ATG7: variants seen among roughly 807,000 people sequenced by gnomAD.
ATG7 encodes the protein ubiquitin-like modifier-activating enzyme ATG7.
A neutral mutation model predicts 82.4 loss-of-function variants in ATG7; 70 were observed. That is an observed-to-expected ratio of 0.85 (90% CI 0.70 to 1.04). ATG7 has a LOEUF of 1.04. Among genes scored for constraint, ATG7 ranks in the 50% least tolerant of loss-of-function variants. The pLI is 0.00. For missense variants in ATG7, 792 were observed against 864.3 expected (o/e 0.92, Z 1.05); for synonymous variants, 287 against 313.0 (o/e 0.92, Z 0.88).
intron 20 of ATG7, among the ~76,000 whole-genome samples, chr3:11,431,396 A>G (rs150041185): frequency 3.7e-4 from 57 of 152,264 alleles, no homozygotes; most frequent in African/African-American, 1.3e-3. Context: ...GGGGAAAAAA[A>G]CAACCACACA....
At chr3:11,337,585 AT>A (rs1046155097) in intron 11 of ATG7, among the ~76,000 whole-genome samples, 2 of 151,584 alleles carry the variant, frequency 1.3e-5, no homozygotes. Context: ...CATATGTGTT[AT>A]TTTTTTCATT....
chr3:11,536,993 T>C (rs1235461267), intron 20 of ATG7, among the ~76,000 whole-genome samples: 8 of 152,166 alleles, frequency 5.3e-5, no homozygotes, highest in African/African-American at 1.9e-4. Flanking sequence ...TCTTGTCGCT[T>C]CCTGCCCGAG....
At chr3:11,363,404 G>A (rs1053938123) in intron 17 of ATG7, among the ~76,000 whole-genome samples, 1 of 151,990 alleles carries the variant, frequency 6.6e-6, no homozygotes, top group Admixed American at 6.6e-5. Context: ...CACCATGCCC[G>A]GCTGATTTTT....
At position 11,383,026 on chromosome 3, in the gene ATG7, A is replaced by G. The variant is rs557048255; in HGVS notation, c.1956+2974A>G. On this transcript the variant is annotated intron_variant, in intron 19 of 20. Transcript: ENST00000693202. ...ACTGAATGCTTCAATGTGAATTCCA[A>G]AGAACAAAGACATTCTCTTACCTAA... Among the ~76,000 whole-genome samples, 3 of 152,358 alleles carry G rather than the reference A, an allele frequency of 2.0e-5. No homozygotes were observed. The South Asian group carries it at 6.2e-4, about 32-fold the overall frequency.
At chr3:11,515,675 C>T (rs975380082) in intron 20 of ATG7, among the ~76,000 whole-genome samples, 1 of 152,028 alleles carries the variant, frequency 6.6e-6, no homozygotes, top group Non-Finnish European at 1.5e-5. Flanking sequence ...CATTAAGCCT[C>T]ATAGAACTGT....
In ATG7 at chr3:11,382,913, GTCC is replaced by G. The variant is rs1476841401; in HGVS notation, c.1956+2865_1956+2867del. On this transcript the variant is annotated intron_variant, in intron 19 of 20. Coordinates refer to ENST00000693202, the MANE Select transcript of ATG7 (RefSeq NM_001349232.2). Reference sequence around the variant, plus strand: ...TTTTGCCCCACGTATATTTGCTGTCGTCCTCCAATCCCTCCTTCTTCCCTTCCC... The same window carrying G: ...TTTTGCCCCACGTATATTTGCTGTCGTCCAATCCCTCCTTCTTCCCTTCCC... 2.6e-5 allele frequency among the ~76,000 whole-genome samples: 4 copies of G among 152,162 alleles called. No individual in the cohort carries two copies. In the East Asian group the frequency reaches 7.7e-4, roughly 29 times the overall value.
chr3:11,548,884 A>T (rs189486951), intron 20 of ATG7, among the ~76,000 whole-genome samples: 572 of 152,358 alleles, frequency 3.8e-3, no homozygotes, highest in African/African-American at 0.013. Context: ...GACTCCTAAA[A>T]GTGAGACGGC....
chr3:11,308,664 T>C (rs996395674), intron 6 of ATG7: 1 of 387,530 alleles, frequency 2.6e-6, no homozygotes, highest in African/African-American at 2.0e-5. Context: ...GCCTGGTATA[T>C]AGTAGACAAT....
chr3:11,467,187 T>C (rs983749512), intron 20 of ATG7, among the ~76,000 whole-genome samples: 8 of 152,112 alleles, frequency 5.3e-5, no homozygotes, highest in Non-Finnish European at 1.0e-4. Context: ...TTCTGCAGAT[T>C]CTTTGGTTTC....
chr3:11,533,085 G>A (rs994434376), intron 20 of ATG7, among the ~76,000 whole-genome samples: 5 of 152,206 alleles, frequency 3.3e-5, no homozygotes, highest in African/African-American at 1.2e-4. Flanking sequence ...CCGGAGGTGC[G>A]CTGGTGCGCA....
chr3:11,568,843 C>T, the ATG7 span: 6 of 1,392,602 alleles, frequency 4.3e-6, no homozygotes, highest in Middle Eastern at 1.1e-3. This position sits in a 1 kb window ranked among gnomAD's most constrained non-coding sequence, Gnocchi z 5.9. Context: ...CTGAGTGGCT[C>T]CGTGCCAGGC....
chr3:11,454,289 G>T (rs1169708418), intron 20 of ATG7, among the ~76,000 whole-genome samples: 1 of 151,770 alleles, frequency 6.6e-6, no homozygotes, highest in African/African-American at 2.4e-5. Flanking sequence ...GGGCAAGGTA[G>T]TTGGGACCCC....
intron 13 of ATG7, among the ~76,000 whole-genome samples, chr3:11,345,769 T>A (rs865930552): frequency 2.0e-5 from 3 of 152,150 alleles, no homozygotes; most frequent in African/African-American, 7.2e-5. Flanking sequence ...TTTATCTTTA[T>A]TAATTTTTTC....
chr3:11,398,749 G>A (rs1024544556), intron 19 of ATG7, among the ~76,000 whole-genome samples: 2 of 152,194 alleles, frequency 1.3e-5, no homozygotes, highest in Non-Finnish European at 2.9e-5. Context: ...CTACTTGGAG[G>A]CTGAGATAGG....
chr3:11,290,926 A>C (rs73123400), intron 3 of ATG7, among the ~76,000 whole-genome samples: 1 of 152,060 alleles, frequency 6.6e-6, no homozygotes, highest in African/African-American at 2.4e-5. Context: ...CAAGTGATCC[A>C]CCCACCTCAG....
intron 20 of ATG7, among the ~76,000 whole-genome samples, chr3:11,553,380 T>C (rs1487324600): frequency 6.6e-6 from 1 of 150,804 alleles, no homozygotes; most frequent in African/African-American, 2.4e-5. Context: ...CATGAATGTG[T>C]GTTCGTTGAA....
chr3:11,364,585 GA>G (rs1424231500), intron 17 of ATG7, 73 bp from the exon 18 acceptor site: 1 of 1,518,590 alleles, frequency 6.6e-7, no homozygotes. Context: ...ATCTTATGTA[GA>G]TTTCTGCTAG....
chr3:11,392,701 C>T (rs778726889), intron 19 of ATG7, among the ~76,000 whole-genome samples: 18 of 152,002 alleles, frequency 1.2e-4, no homozygotes, highest in African/African-American at 3.1e-4. Flanking sequence ...CATAATATTC[C>T]GGCTTTGAGG....
rs780098791 is a variant in ATG7, at chr3:11,347,962, A to C, written c.1211A>C (p.Glu404Ala). 2 of 1,614,018 alleles carry C rather than the reference A, an allele frequency of 1.2e-6. No individual in the cohort carries two copies. Among genetic ancestry groups the C allele is most frequent in the African/African-American group, 2.7e-5 (2 of 74,910 alleles). ...NPVRQPLYEF[E>A]DCLGGGKPKA... is the part of the protein sequence containing the mutation. ...GTGAGGCAGCCTCTCTATGAGTTTG[A>C]AGATTGCCTAGGGGGTGGTAAGCCC... is the stretch of plus-strand genomic sequence containing the variant. Residue 404 changes from glutamate (E) to alanine (A), a missense_variant, in exon 14 of 21, where the codon GAA becomes GCA. Glu to Ala is a moderately radical substitution (Grantham distance 107). Coordinates refer to ENST00000693202, the MANE Select transcript of ATG7 (RefSeq NM_001349232.2).
Sources: gnomAD v4.1 joint callset for allele counts (sites outside exome capture counted in the v4.1 genomes callset) on GRCh38, gnomAD v4.1.1 for gene constraint, Gnocchi (gnomAD v3.1) non-coding constraint, MANE v1.5 for transcripts, NCBI Gene and HGNC (gene_info 2026-07-23, HGNC 2026-07-21) for gene names.